SNX18: variants seen among roughly 807,000 people sequenced by gnomAD.
SNX18 encodes the protein sorting nexin 18, also known as sorting nexin-18.
A neutral mutation model predicts 48.7 loss-of-function variants in SNX18; 35 were observed. The ratio of observed to expected loss-of-function variants is 0.72; its 90% confidence interval spans 0.55 to 0.95. The LOEUF (loss-of-function observed/expected upper bound fraction) is 0.95. SNX18 is among the 40% of genes least tolerant of loss of function. The pLI, the probability that SNX18 is intolerant of heterozygous loss-of-function variation, is 0.00. For synonymous variants in SNX18, 492 were observed against 384.7 expected, an observed-to-expected ratio of 1.28 and a Z score of -3.26; for missense variants, 824 against 871.0, an observed-to-expected ratio of 0.95 and a Z score of 0.68.
At chr5:54,539,531 G>C (rs1762424753) in intron 1 of SNX18, among the ~76,000 whole-genome samples, 1 of 152,110 alleles carries the variant, frequency 6.6e-6, no homozygotes, top group Non-Finnish European at 1.5e-5. Flanking sequence ...TTGTCACATT[G>C]GTCACGTTAT....
At chr5:54,553,731 G>A in the SNX18 span, among the ~76,000 whole-genome samples, 1 of 152,180 alleles carries the variant, frequency 6.6e-6, no homozygotes, top group Non-Finnish European at 1.5e-5. Flanking sequence ...TATGTCAGCA[G>A]TAGATTAGCA....
chr5:54,571,287 C>T, the SNX18 span, among the ~76,000 whole-genome samples: 1 of 152,190 alleles, frequency 6.6e-6, no homozygotes, highest in Non-Finnish European at 1.5e-5. Context: ...GCTGTCCACT[C>T]TGTAAATTAC....
At chr5:54,618,221 T>C in the SNX18 span, among the ~76,000 whole-genome samples, 2 of 152,186 alleles carry the variant, frequency 1.3e-5, no homozygotes, top group South Asian at 2.1e-4. Flanking sequence ...GAAGGATGTG[T>C]TTGCTTCCCC....
the SNX18 span, among the ~76,000 whole-genome samples, chr5:54,555,205 C>G: frequency 5.3e-5 from 8 of 152,216 alleles, no homozygotes; most frequent in African/African-American, 1.9e-4. Flanking sequence ...ATCTTCCCAC[C>G]CTGTCTTGGT....
chr5:54,546,274 TTA>T lies in SNX18; in HGVS notation c.*2843_*2844del, dbSNP rs1395925203. ...CATAATTAAGGACTTGAAAAATGTTTTAGTCTGTCAAGTATGTAAAGTTTGTG... is the reference window on the plus strand; with the variant it reads ...CATAATTAAGGACTTGAAAAATGTTTGTCTGTCAAGTATGTAAAGTTTGTG... On this transcript the variant is annotated 3_prime_UTR_variant, in exon 2 of 2. Coordinates refer to ENST00000381410, the MANE Select transcript of SNX18 (RefSeq NM_001102575.2). 1 of 152,250 alleles carries T rather than the reference TTA, an allele frequency of 6.6e-6. No homozygotes were observed. Among genetic ancestry groups the T allele is most frequent in the African/African-American group, 2.4e-5 (1 of 41,468 alleles). The allele number at this position is 152,250 out of a possible 1,614,324, so 9.4% of individuals were successfully genotyped here. A position where few individuals can be genotyped will look rare whatever the true frequency, so the allele number is the denominator to read the frequency against.
the SNX18 span, among the ~76,000 whole-genome samples, chr5:54,642,428 G>A: frequency 6.6e-6 from 1 of 151,546 alleles, no homozygotes; most frequent in Non-Finnish European, 1.5e-5. Context: ...CACTGTCAAA[G>A]GCTCATTCCA....
chr5:54,574,928 G>C, the SNX18 span, among the ~76,000 whole-genome samples: 1 of 152,198 alleles, frequency 6.6e-6, no homozygotes, highest in African/African-American at 2.4e-5. Context: ...CCCTTCCAGA[G>C]CTCTAGGCCA....
chr5:54,638,591 A>G, the SNX18 span, among the ~76,000 whole-genome samples: 1 of 152,156 alleles, frequency 6.6e-6, no homozygotes, highest in East Asian at 1.9e-4. Flanking sequence ...GACATAGGGT[A>G]TTGGTATCTA....
In SNX18 at chr5:54,525,919, A is replaced by T. The variant is rs1301425234; in HGVS notation, c.1621+6346A>T. ...AGTTGATGTGAAAGAACATTTATGC[A>T]CGTTTAGTTCAGATCAGCAATCACG... On this transcript the variant is annotated intron_variant, in intron 1 of 1. Coordinates refer to ENST00000381410, the MANE Select transcript of SNX18 (RefSeq NM_001102575.2). Among the ~76,000 whole-genome samples the T allele has an allele frequency of 4.5e-4, 68 of 152,138 alleles. 1 individual carries two copies. The highest frequency in any genetic ancestry group is 4.4e-5 in the Non-Finnish European group (3 of 68,022).
the SNX18 span, among the ~76,000 whole-genome samples, chr5:54,624,995 T>C: frequency 6.6e-6 from 1 of 152,210 alleles, no homozygotes; most frequent in African/African-American, 2.4e-5. Flanking sequence ...TTTCCCTCCA[T>C]GGCTAGGATG....
the SNX18 span, among the ~76,000 whole-genome samples, chr5:54,596,558 C>T: frequency 1.3e-5 from 2 of 152,194 alleles, no homozygotes; most frequent in Non-Finnish European, 2.9e-5. Flanking sequence ...GAAGTTCATA[C>T]TCATTGCTAG....
At chr5:54,586,957 C>A in the SNX18 span, among the ~76,000 whole-genome samples, 1 of 151,356 alleles carries the variant, frequency 6.6e-6, no homozygotes, top group Non-Finnish European at 1.5e-5. Context: ...AAGAGGTGAG[C>A]ACTCTGTAAG....
At chr5:54,526,558 C>CA (rs569786273) in intron 1 of SNX18, among the ~76,000 whole-genome samples, 292 of 152,160 alleles carry the variant, frequency 1.9e-3, no homozygotes, top group Non-Finnish European at 3.5e-3. Context: ...GGTAAGGGGA[C>CA]AGTGAAGGAA....
At chr5:54,519,910 C>G in intron 1 of SNX18, 1 of 1,289,576 alleles carries the variant, frequency 7.8e-7, no homozygotes, top group Non-Finnish European at 1.1e-6. Flanking sequence ...AGAAGGGGAC[C>G]TAAACCATGT....
chr5:54,541,031 C>G (rs1003802930), intron 1 of SNX18, among the ~76,000 whole-genome samples: 4 of 147,748 alleles, frequency 2.7e-5, no homozygotes, highest in Non-Finnish European at 6.0e-5. Context: ...TTTTTTTTCT[C>G]TCTCTCTTTT....
chr5:54,524,969 A>G (rs900088447), intron 1 of SNX18, among the ~76,000 whole-genome samples: 1 of 152,242 alleles, frequency 6.6e-6, no homozygotes, highest in Non-Finnish European at 1.5e-5. Flanking sequence ...CTGCTGAGGA[A>G]GCTGTGCCAG....
chr5:54,592,215 A>C, the SNX18 span, among the ~76,000 whole-genome samples: 2 of 152,150 alleles, frequency 1.3e-5, no homozygotes, highest in African/African-American at 4.8e-5. Context: ...GTGACCTGGG[A>C]CACTTCATGT....
the SNX18 span, among the ~76,000 whole-genome samples, chr5:54,598,468 A>G: frequency 2.2e-4 from 33 of 152,376 alleles, no homozygotes; most frequent in South Asian, 1.0e-3. Flanking sequence ...ATGAACATCA[A>G]TGTAAAAATT....
In SNX18 at chr5:54,545,892, G is replaced by T. The variant is rs1762570318; in HGVS notation, c.*2460G>T. The T allele has an allele frequency of 6.6e-6, 1 of 151,950 alleles. No homozygotes were observed. The highest frequency in any genetic ancestry group is 2.1e-4 in the South Asian group (1 of 4,828). The allele number at this position is 151,950 out of a possible 1,614,324, so 9.4% of individuals were successfully genotyped here. ...TGCCATTATTTGTCTTTATTTCTAT[G>T]ATTTATAATCCTGATATGTGATGTG... On this transcript the variant is annotated 3_prime_UTR_variant, in exon 2 of 2. Transcript: ENST00000381410.
Sources: allele counts gnomAD v4.1 joint callset (sites outside exome capture counted in the v4.1 genomes callset), GRCh38; gene constraint gnomAD v4.1.1; transcripts MANE v1.5; gene names NCBI Gene and HGNC (gene_info 2026-07-23, HGNC 2026-07-21).